CCDC33: variants seen among roughly 807,000 people sequenced by gnomAD.
The protein encoded by CCDC33 is coiled-coil domain containing 33, also known as coiled-coil domain-containing protein 33.
In CCDC33, 94 loss-of-function variants were observed where a neutral mutation model predicts 91.9. The observed-to-expected ratio is 1.02, with a 90% CI of 0.87 to 1.21. The LOEUF (loss-of-function observed/expected upper bound fraction) is 1.21. CCDC33 is among the 50% of genes most tolerant of loss of function. The probability of loss-of-function intolerance (pLI) is 0.00; values close to 1 mark genes in which losing one functional copy is unlikely to be tolerated. For missense variants in CCDC33, 940 were observed against 935.5 expected (o/e 1.00, Z -0.06); for synonymous variants, 396 against 374.5 (o/e 1.06, Z -0.66).
intron 2 of CCDC33, among the ~76,000 whole-genome samples, chr15:74,211,393 CTTTTTTTTT>C (rs34963230): frequency 1.4e-5 from 1 of 73,892 alleles, no homozygotes; most frequent in Non-Finnish European, 2.5e-5. Context: ...CTGCCCCTGG[CTTTTTTTTT>C]TTTTTTTTTT....
At chr15:74,242,322 G>C (rs58029965) in intron 1 of CCDC33, among the ~76,000 whole-genome samples, 38,934 of 152,144 alleles carry the variant, frequency 0.26, 5,573 homozygotes, top group East Asian at 0.54. Context: ...CTCAGGAGCC[G>C]GCCATTCTGA....
intron 2 of CCDC33, among the ~76,000 whole-genome samples, chr15:74,250,243 T>C (rs181641293): frequency 2.5e-4 from 38 of 152,322 alleles, no homozygotes; most frequent in African/African-American, 7.9e-4. Context: ...CAGGTTACCA[T>C]TGGGTACTGT....
upstream of CCDC33, among the ~76,000 whole-genome samples, chr15:74,216,537 A>AC (rs1251775052): frequency 3.0e-4 from 2 of 6,572 alleles, no homozygotes; most frequent in Non-Finnish European, 8.4e-4. Context: ...GGCCAATACC[A>AC]CTTTTTTTTT....
chr15:74,332,000 G>A (rs1002344544), intron 15 of CCDC33, among the ~76,000 whole-genome samples: 9 of 152,092 alleles, frequency 5.9e-5, no homozygotes, highest in African/African-American at 1.2e-4. Flanking sequence ...ACTGTACTCC[G>A]GCCTGGGTGA....
intron 11 of CCDC33, among the ~76,000 whole-genome samples, chr15:74,308,472 A>G (rs1052009062): frequency 6.6e-6 from 1 of 152,090 alleles, no homozygotes. Flanking sequence ...ATGCTCATTC[A>G]TCGGCTCCTG....
rs545177338 is a variant in CCDC33, at chr15:74,210,006, A to G, written n.236+472A>G. ...GATAGTAAAAGACCCTGGAAGAGAG[A>G]AGGACAATGCCAGAGCCAGGCCTGC... On this transcript the variant is annotated intron_variant and non_coding_transcript_variant, in intron 2 of 3. Transcript: ENST00000558645. Among the ~76,000 whole-genome samples the G allele has an allele frequency of 2.6e-5, 4 of 152,286 alleles. No homozygotes were observed. In the East Asian group the frequency reaches 7.7e-4, roughly 29 times the overall value.
chr15:74,334,485 G>A (rs955919845), intron 17 of CCDC33, among the ~76,000 whole-genome samples: 7 of 143,790 alleles, frequency 4.9e-5, no homozygotes, highest in Non-Finnish European at 1.0e-4. Context: ...CAGGGTTAGG[G>A]TTCAGTATAC....
At chr15:74,247,019 C>T (rs1248525380) in intron 2 of CCDC33, among the ~76,000 whole-genome samples, 1 of 151,976 alleles carries the variant, frequency 6.6e-6, no homozygotes, top group Non-Finnish European at 1.5e-5. Flanking sequence ...GTAGCAGGCA[C>T]CTGTAATCCT....
intron 2 of CCDC33, among the ~76,000 whole-genome samples, chr15:74,259,208 AG>A (rs543651794): frequency 2.0e-5 from 3 of 151,554 alleles, no homozygotes; most frequent in African/African-American, 7.3e-5. Context: ...GGGGACAGGG[AG>A]GGGGGTCTCT....
chr15:74,210,839 A>G (rs2074356373), intron 2 of CCDC33, among the ~76,000 whole-genome samples: 1 of 152,184 alleles, frequency 6.6e-6, no homozygotes, highest in South Asian at 2.1e-4. Flanking sequence ...GTTCTCAAAA[A>G]GAGAGGTGTT....
chr15:74,230,220 C>T (rs1595896283), intron 2 of CCDC33, among the ~76,000 whole-genome samples: 3 of 152,144 alleles, frequency 2.0e-5, no homozygotes, highest in Admixed American at 2.0e-4. Context: ...CAGAGGAGGG[C>T]CTTGGTCAGA....
chr15:74,261,671 ACT>A (rs1409501439), intron 2 of CCDC33, among the ~76,000 whole-genome samples: 1 of 151,680 alleles, frequency 6.6e-6, no homozygotes, highest in Admixed American at 6.6e-5. Context: ...AGAAGTATTC[ACT>A]CTCTCCCTGA....
At chr15:74,294,607 T>A (rs2059644896) in intron 10 of CCDC33, among the ~76,000 whole-genome samples, 1 of 150,866 alleles carries the variant, frequency 6.6e-6, no homozygotes, top group African/African-American at 2.4e-5. Context: ...ATTAGCCAGG[T>A]GTGGTGGCGG....
chr15:74,259,769 G>C (rs2075971001), intron 2 of CCDC33, among the ~76,000 whole-genome samples: 1 of 152,208 alleles, frequency 6.6e-6, no homozygotes, highest in Non-Finnish European at 1.5e-5. Flanking sequence ...TAGAAGACAG[G>C]CTGGCATGGG....
In CCDC33 at chr15:74,285,580, C is replaced by T. The variant is rs535991206; in HGVS notation, c.1095+3731C>T. 2.6e-4 allele frequency among the ~76,000 whole-genome samples: 40 copies of T among 152,090 alleles called. No individual in the cohort carries two copies. In the South Asian group the frequency reaches 6.2e-3, roughly 24 times the overall value. ...TGGCTTTGCCCCCGAGGCTGCAGGG[C>T]GACCTCAGCAAGCCTCCTACATAGA... On this transcript the variant is annotated intron_variant, in intron 10 of 18. Transcript: ENST00000398814.
chr15:74,232,317 A>T (rs913240673), upstream of CCDC33, among the ~76,000 whole-genome samples: 1 of 152,198 alleles, frequency 6.6e-6, no homozygotes, highest in South Asian at 2.1e-4. Context: ...GACTATTTAC[A>T]ATACTGAGGG....
intron 11 of CCDC33, among the ~76,000 whole-genome samples, chr15:74,320,674 G>C (rs2060188554): frequency 6.6e-6 from 1 of 152,118 alleles, no homozygotes; most frequent in African/African-American, 2.4e-5. Context: ...CCTCCTCCAG[G>C]CTCCCACCCC....
At chr15:74,324,017 C>T (rs2060258169) in intron 11 of CCDC33, among the ~76,000 whole-genome samples, 1 of 148,312 alleles carries the variant, frequency 6.7e-6, no homozygotes, top group Non-Finnish European at 1.5e-5. Context: ...TGCCTGAACC[C>T]GGGAGGCGGT....
chr15:74,244,016 C>A lies in CCDC33; in HGVS notation c.53C>A (p.Ala18Asp). 1 of 1,613,694 alleles carries A rather than the reference C, an allele frequency of 6.2e-7. No homozygotes were observed. The highest frequency in any genetic ancestry group is 8.5e-7 in the Non-Finnish European group (1 of 1,179,852). ...NTEDPEEPLI[A>D]SQSTEPEIGH... ...GAAGACCCAGAGGAGCCCCTGATCG[C>A]CTCCCAGAGCACGGAACCTGAGATC... is the stretch of plus-strand genomic sequence containing the variant. Residue 18 changes from alanine (A) to aspartate (D), a missense_variant, in exon 2 of 19, where the codon GCC (alanine) becomes GAC (aspartate). By Grantham distance (126) the Ala-to-Asp change is moderately radical. Coordinates refer to ENST00000398814, the MANE Select transcript of CCDC33 (RefSeq NM_025055.5). The surrounding 1 kb of genome is among the most constrained non-coding windows in gnomAD (Gnocchi z 4.2).
Sources: gnomAD v4.1 joint callset for allele counts (sites outside exome capture counted in the v4.1 genomes callset) on GRCh38, gnomAD v4.1.1 for gene constraint, Gnocchi (gnomAD v3.1) non-coding constraint, MANE v1.5 for transcripts, NCBI Gene and HGNC (gene_info 2026-07-23, HGNC 2026-07-21) for gene names.